The following ARHGEF3 variants were observed in gnomAD, a reference collection of about 807,000 sequenced individuals.
The protein encoded by ARHGEF3 is Rho guanine nucleotide exchange factor 3.
In ARHGEF3, 28 loss-of-function variants were observed where a neutral mutation model predicts 63.2. The ratio of observed to expected loss-of-function variants is 0.44; its 90% CI spans 0.33 to 0.61. The LOEUF (loss-of-function observed/expected upper bound fraction) is 0.61, where lower values mean the gene tolerates loss of function less well. ARHGEF3 is among the 20% of genes least tolerant of loss of function. The pLI is 0.03. For missense variants in ARHGEF3, 533 were observed against 659.3 expected, an observed-to-expected ratio of 0.81 and a Z score of 2.10; for synonymous variants, 266 against 254.2, an observed-to-expected ratio of 1.05 and a Z score of -0.44.
chr3:57,071,087 A>G (rs1294690853), intron 1 of ARHGEF3, among the ~76,000 whole-genome samples: 1 of 152,198 alleles, frequency 6.6e-6, no homozygotes, highest in Non-Finnish European at 1.5e-5. Flanking sequence ...AAGACAGTAT[A>G]GACAGCAATA....
intron 2 of ARHGEF3, among the ~76,000 whole-genome samples, chr3:56,756,545 CTTTT>C (rs35251607): frequency 4.1e-4 from 41 of 100,056 alleles, no homozygotes; most frequent in African/African-American, 1.5e-3. Context: ...TCATAGCTGG[CTTTT>C]TTTTTTTTTT....
intron 2 of ARHGEF3, among the ~76,000 whole-genome samples, chr3:56,766,480 G>C (rs1312279430): frequency 6.6e-6 from 1 of 152,212 alleles, no homozygotes. Context: ...CCACTGCCAG[G>C]CTCTGCAGAG....
chr3:56,966,591 A>G (rs1376081032), intron 2 of ARHGEF3, among the ~76,000 whole-genome samples: 1 of 152,128 alleles, frequency 6.6e-6, no homozygotes, highest in African/African-American at 2.4e-5. Flanking sequence ...ATTTGGCCAT[A>G]GGGTGATGGG....
intron 3 of ARHGEF3, among the ~76,000 whole-genome samples, chr3:56,893,811 CAAAAAAAAAAAA>C (rs537483698): frequency 3.3e-4 from 26 of 79,550 alleles, no homozygotes; most frequent in African/African-American, 8.0e-4. Context: ...GACTCTGTCT[CAAAAAAAAAAAA>C]AAAAAAAAAA....
chr3:57,021,895 T>C (rs79185493), intron 2 of ARHGEF3, among the ~76,000 whole-genome samples: 3,612 of 152,178 alleles, frequency 0.024, 65 homozygotes, highest in Admixed American at 0.041. Context: ...AATCCCTCCC[T>C]ACAAAAATAT....
upstream of ARHGEF3, among the ~76,000 whole-genome samples, chr3:56,805,590 GAAC>G (rs775946720): frequency 6.6e-6 from 1 of 152,164 alleles, no homozygotes; most frequent in Non-Finnish European, 1.5e-5. Flanking sequence ...GCAGAGCAAT[GAAC>G]AGTCATATTG....
At chr3:56,739,615 G>C (rs1228767206) in intron 7 of ARHGEF3, among the ~76,000 whole-genome samples, 1 of 151,970 alleles carries the variant, frequency 6.6e-6, no homozygotes, top group East Asian at 1.9e-4. Flanking sequence ...GCCTAGGCTG[G>C]TCTCTGACTC....
At chr3:56,859,535 CTT>C (rs1223726363) in intron 4 of ARHGEF3, among the ~76,000 whole-genome samples, 3 of 143,972 alleles carry the variant, frequency 2.1e-5, no homozygotes, top group Non-Finnish European at 1.5e-5. Flanking sequence ...CTTGGTACAC[CTT>C]TTTTTTTTTT....
intron 4 of ARHGEF3, among the ~76,000 whole-genome samples, chr3:56,823,922 AGAG>A (rs1334573992): frequency 6.6e-6 from 1 of 150,706 alleles, no homozygotes; most frequent in Non-Finnish European, 1.5e-5. Context: ...AGAATATGTT[AGAG>A]GAGACTTTCA....
At chr3:57,069,361 A>G (rs1322873691) in intron 1 of ARHGEF3, among the ~76,000 whole-genome samples, 2 of 142,322 alleles carry the variant, frequency 1.4e-5, no homozygotes, top group African/African-American at 5.3e-5. Flanking sequence ...AAATAACTCT[A>G]ATCTCTGTCT....
At chr3:56,761,560 A>G (rs1165515124) in intron 2 of ARHGEF3, among the ~76,000 whole-genome samples, 1 of 151,992 alleles carries the variant, frequency 6.6e-6, no homozygotes, top group Non-Finnish European at 1.5e-5. Context: ...TCCTCTATTC[A>G]CTGATGGATT....
intron 1 of ARHGEF3, among the ~76,000 whole-genome samples, chr3:57,042,295 A>G (rs1241564314): frequency 6.6e-6 from 1 of 152,126 alleles, no homozygotes; most frequent in Non-Finnish European, 1.5e-5. Context: ...AAAACAACAA[A>G]GCAGATCTAG....
chr3:56,966,589 A>G (rs1429186878), intron 2 of ARHGEF3, among the ~76,000 whole-genome samples: 1 of 152,128 alleles, frequency 6.6e-6, no homozygotes, highest in Non-Finnish European at 1.5e-5. Context: ...GGATTTGGCC[A>G]TAGGGTGATG....
chr3:56,859,601 C>T (rs1257163508), intron 4 of ARHGEF3, among the ~76,000 whole-genome samples: 1 of 151,156 alleles, frequency 6.6e-6, no homozygotes, highest in Admixed American at 6.6e-5. Context: ...GCAGAGATCT[C>T]GGCTCCCTGC....
intron 2 of ARHGEF3, among the ~76,000 whole-genome samples, chr3:56,981,894 G>T (rs941143463): frequency 1.3e-5 from 2 of 152,180 alleles, no homozygotes; most frequent in Non-Finnish European, 1.5e-5. Flanking sequence ...CAGATTTTCT[G>T]TTGGGGGATG....
intron 4 of ARHGEF3, among the ~76,000 whole-genome samples, chr3:56,865,330 G>A (rs187465089): frequency 1.4e-3 from 218 of 152,284 alleles, no homozygotes; most frequent in Non-Finnish European, 2.4e-3. Flanking sequence ...ATTCCGCTAC[G>A]GCAAACAGAG....
At chr3:56,743,270 A>G (rs1440107715) in intron 7 of ARHGEF3, among the ~76,000 whole-genome samples, 1 of 152,180 alleles carries the variant, frequency 6.6e-6, no homozygotes, top group Non-Finnish European at 1.5e-5. Flanking sequence ...CTTCTTTTCT[A>G]TCCTACTTGG....
chr3:56,803,094 T>C (rs1164203935), upstream of ARHGEF3, among the ~76,000 whole-genome samples: 3 of 152,220 alleles, frequency 2.0e-5, no homozygotes, highest in African/African-American at 7.2e-5. Context: ...TAAATAGCAT[T>C]GAACACTGTC....
chr3:56,938,773 G>A (rs576253009), intron 3 of ARHGEF3: 31 of 152,368 alleles, frequency 2.0e-4, no homozygotes, highest in African/African-American at 7.2e-4. Flanking sequence ...GAGTCTCTTT[G>A]ATAAAGCTAG....
Sources: allele counts gnomAD v4.1 joint callset (sites outside exome capture counted in the v4.1 genomes callset), GRCh38; gene constraint gnomAD v4.1.1; transcripts MANE v1.5; gene names NCBI Gene and HGNC (gene_info 2026-07-23, HGNC 2026-07-21).